Variants in NRG1 observed in about 807,000 individuals in gnomAD.
The protein encoded by NRG1 is neuregulin 1, also known as pro-neuregulin-1, membrane-bound isoform.
A neutral mutation model predicts 63.8 loss-of-function variants in NRG1; 18 were observed. That is an observed-to-expected ratio of 0.28 (90% CI 0.19 to 0.42). The LOEUF is 0.42. NRG1 is among the 10% of genes least tolerant of loss of function. The pLI is 1.00. For missense variants in NRG1, 762 were observed against 814.7 expected (o/e 0.94, Z 0.79); for synonymous variants, 302 against 301.3 (o/e 1.00, Z -0.02).
intron 1 of NRG1, among the ~76,000 whole-genome samples, chr8:32,178,733 G>A (rs75962256): frequency 0.012 from 1,824 of 152,250 alleles, 43 homozygotes; most frequent in African/African-American, 0.041. Flanking sequence ...TGTGGTGGTG[G>A]CATTGGTAGT....
At chr8:32,358,623 G>GA (rs1321200193) in intron 1 of NRG1, among the ~76,000 whole-genome samples, 2 of 152,124 alleles carry the variant, frequency 1.3e-5, no homozygotes, top group Non-Finnish European at 2.9e-5. Context: ...TGACAAGGCT[G>GA]AAAAATCTCA....
At chr8:32,275,402 A>T (rs568123086) in intron 1 of NRG1, among the ~76,000 whole-genome samples, 1 of 152,276 alleles carries the variant, frequency 6.6e-6, no homozygotes, top group South Asian at 2.1e-4. Flanking sequence ...AGTGCTCTGA[A>T]TTAAAATAAG....
At chr8:32,567,026 A>T (rs1644018241) in intron 1 of NRG1, among the ~76,000 whole-genome samples, 1 of 152,104 alleles carries the variant, frequency 6.6e-6, no homozygotes, top group Non-Finnish European at 1.5e-5. Context: ...TATTTTTCGT[A>T]GAGACGGGGT....
chr8:31,890,597 A>G (rs1468676009), intron 1 of NRG1, among the ~76,000 whole-genome samples: 1 of 152,202 alleles, frequency 6.6e-6, no homozygotes, highest in Non-Finnish European at 1.5e-5. Context: ...CCTCAGAATG[A>G]AAGGCCCAAA....
intron 1 of NRG1, among the ~76,000 whole-genome samples, chr8:32,456,645 T>C (rs778624474): frequency 2.0e-5 from 3 of 152,234 alleles, no homozygotes; most frequent in African/African-American, 7.2e-5. Context: ...ATAGACTACA[T>C]ATAACACACA....
intron 1 of NRG1, among the ~76,000 whole-genome samples, chr8:32,253,536 G>A (rs1004692864): frequency 6.6e-6 from 1 of 152,190 alleles, no homozygotes; most frequent in Admixed American, 6.5e-5. Flanking sequence ...TCCCAGGGAT[G>A]AGGCTGACTT....
intron 1 of NRG1, among the ~76,000 whole-genome samples, chr8:32,157,123 C>G (rs1352554967): frequency 6.6e-6 from 1 of 150,598 alleles, no homozygotes; most frequent in Non-Finnish European, 1.5e-5. Flanking sequence ...GTAATCCCAG[C>G]ACTTTGGGAA....
At chr8:31,777,653 A>C (rs1586338771) in intron 1 of NRG1, among the ~76,000 whole-genome samples, 1 of 152,232 alleles carries the variant, frequency 6.6e-6, no homozygotes, top group African/African-American at 2.4e-5. Flanking sequence ...CAGGCTATAC[A>C]AGAAGCGTGG....
chr8:32,103,950 C>G (rs938823646), intron 1 of NRG1, among the ~76,000 whole-genome samples: 2 of 152,138 alleles, frequency 1.3e-5, no homozygotes, highest in Admixed American at 6.6e-5. Context: ...AAGAATTCAC[C>G]TGCTAAAAGA....
At chr8:32,725,978 C>G (rs1055202509) in intron 5 of NRG1, among the ~76,000 whole-genome samples, 1 of 152,112 alleles carries the variant, frequency 6.6e-6, no homozygotes, top group South Asian at 2.1e-4. Flanking sequence ...TAAAGTATAA[C>G]TGATAATTGA....
At chr8:32,120,607 G>A (rs17692960) in intron 1 of NRG1, among the ~76,000 whole-genome samples, 4,800 of 152,080 alleles carry the variant, frequency 0.032, 123 homozygotes, top group Non-Finnish European at 0.046. Flanking sequence ...TAGCAATTTG[G>A]AATCTCTAGA....
intron 1 of NRG1, among the ~76,000 whole-genome samples, chr8:32,187,979 G>A (rs1842125623): frequency 6.6e-6 from 1 of 152,090 alleles, no homozygotes; most frequent in Admixed American, 6.6e-5. Flanking sequence ...ATCTCTGAAG[G>A]TCGACACTCT....
intron 1 of NRG1, among the ~76,000 whole-genome samples, chr8:31,980,786 G>A (rs984122209): frequency 6.6e-6 from 1 of 151,796 alleles, no homozygotes; most frequent in Non-Finnish European, 1.5e-5. Flanking sequence ...ATTATTAATA[G>A]CAATGTATTA....
At chr8:31,997,185 T>C (rs1812139218) in intron 1 of NRG1, among the ~76,000 whole-genome samples, 1 of 11,720 alleles carries the variant, frequency 8.5e-5, no homozygotes, top group African/African-American at 4.3e-4. Flanking sequence ...TAGTGTAACC[T>C]TTTTTTTTTT....
chr8:32,506,078 T>C (rs1409068534), intron 1 of NRG1, among the ~76,000 whole-genome samples: 1 of 152,008 alleles, frequency 6.6e-6, no homozygotes, highest in Non-Finnish European at 1.5e-5. Context: ...AGCAAGACCC[T>C]GTCTCTAAAA....
intron 1 of NRG1, among the ~76,000 whole-genome samples, chr8:32,406,211 T>G (rs925726191): frequency 2.0e-5 from 3 of 152,192 alleles, no homozygotes; most frequent in African/African-American, 7.2e-5. Flanking sequence ...ATAGTGTCTC[T>G]CATAAGATTG....
At chr8:32,072,029 T>C (rs1825822927) in intron 1 of NRG1, among the ~76,000 whole-genome samples, 1 of 152,158 alleles carries the variant, frequency 6.6e-6, no homozygotes, top group Non-Finnish European at 1.5e-5. Flanking sequence ...TCTTTCTTTT[T>C]TAACTTCTTA....
chr8:31,665,786 G>A (rs189936855), intron 1 of NRG1, among the ~76,000 whole-genome samples: 25 of 152,066 alleles, frequency 1.6e-4, no homozygotes, highest in African/African-American at 5.8e-4. Context: ...ATGAAATGGT[G>A]CGATATGACC....
At chr8:32,591,567 G>C (rs760667155) in intron 1 of NRG1, among the ~76,000 whole-genome samples, 2 of 152,040 alleles carry the variant, frequency 1.3e-5, no homozygotes, top group Non-Finnish European at 2.9e-5. Context: ...ACCATAGTGG[G>C]GTTGGGGCCC....
Sources: gnomAD v4.1 joint callset for allele counts (sites outside exome capture counted in the v4.1 genomes callset) on GRCh38, gnomAD v4.1.1 for gene constraint, MANE v1.5 for transcripts, NCBI Gene and HGNC (gene_info 2026-07-23, HGNC 2026-07-21) for gene names.